The following CDH13 variants were observed in gnomAD, a reference collection of about 807,000 sequenced individuals.
CDH13 encodes cadherin-13.
In CDH13, 24 loss-of-function variants were observed where a neutral mutation model predicts 63.8. The ratio of observed to expected loss-of-function variants is 0.38; its 90% CI spans 0.27 to 0.53. CDH13 has a LOEUF of 0.53. Ranked by LOEUF, CDH13 falls within the 20% of genes least tolerant of loss-of-function variation. The pLI is 0.85. For synonymous variants in CDH13, 503 were observed against 355.3 expected (o/e 1.42, Z -4.67); for missense variants, 1,049 against 903.1 (o/e 1.16, Z -2.07).
chr16:83,502,272 G>T (rs867031743), intron 7 of CDH13, among the ~76,000 whole-genome samples: 3 of 152,200 alleles, frequency 2.0e-5, no homozygotes, highest in Non-Finnish European at 4.4e-5. Flanking sequence ...TCTTAATAAG[G>T]GGGAGGTGGG....
chr16:82,791,265 A>C (rs1029936547), intron 1 of CDH13, among the ~76,000 whole-genome samples: 1 of 151,044 alleles, frequency 6.6e-6, no homozygotes, highest in Non-Finnish European at 1.5e-5. Context: ...AAAAATTCCT[A>C]AGCCTAGCTG....
chr16:83,368,854 T>C (rs112670491), intron 6 of CDH13, among the ~76,000 whole-genome samples: 21,583 of 138,612 alleles, frequency 0.16, 2,801 homozygotes, highest in African/African-American at 0.33. Flanking sequence ...TATTTCATTC[T>C]TTTTTATGGC....
chr16:82,727,891 T>G (rs972160588), intron 1 of CDH13, among the ~76,000 whole-genome samples: 1 of 152,180 alleles, frequency 6.6e-6, no homozygotes, highest in East Asian at 1.9e-4. Context: ...CAGCCCGTTC[T>G]GTGTCAAGAA....
chr16:82,943,269 A>G (rs1904329459), intron 2 of CDH13, among the ~76,000 whole-genome samples: 1 of 151,986 alleles, frequency 6.6e-6, no homozygotes, highest in Non-Finnish European at 1.5e-5. Flanking sequence ...TTCCATATTT[A>G]TGTGTTATAT....
intron 11 of CDH13, among the ~76,000 whole-genome samples, chr16:83,774,224 C>G (rs993837688): frequency 1.1e-4 from 16 of 152,190 alleles, no homozygotes; most frequent in African/African-American, 3.9e-4. Context: ...ACTACAGGGA[C>G]AACTATGACT....
Position 83,795,050 on chromosome 16 carries a change from C to T in CDH13, c.*20C>T. 1.3e-6 allele frequency: 2 copies of T among 1,582,278 alleles called. No individual in the cohort carries two copies. The highest frequency in any genetic ancestry group is 1.2e-5 in the South Asian group (1 of 85,106). ...CTGTGAGAACTCCTGACGTCTGAAG[C>T]TTGACTCCCAAGTTTCCATAGCAAC... is the stretch of plus-strand genomic sequence containing the variant. On this transcript the variant is annotated 3_prime_UTR_variant, in exon 14 of 14. Transcript: ENST00000567109.
At chr16:83,766,411 A>G (rs1254951498) in intron 11 of CDH13, among the ~76,000 whole-genome samples, 2 of 152,252 alleles carry the variant, frequency 1.3e-5, no homozygotes, top group Non-Finnish European at 2.9e-5. Flanking sequence ...TTACTTGTGC[A>G]TCAACCTAAG....
chr16:83,121,328 T>C (rs2035563405), intron 3 of CDH13, among the ~76,000 whole-genome samples: 1 of 152,218 alleles, frequency 6.6e-6, no homozygotes, highest in Non-Finnish European at 1.5e-5. Flanking sequence ...ACATAGCTTG[T>C]CTTAAATATT....
At chr16:83,384,314 G>C (rs972251865) in intron 6 of CDH13, among the ~76,000 whole-genome samples, 1 of 152,100 alleles carries the variant, frequency 6.6e-6, no homozygotes, top group Non-Finnish European at 1.5e-5. Flanking sequence ...ACCTCTGCCT[G>C]ACTTCCCAGA....
intron 1 of CDH13, among the ~76,000 whole-genome samples, chr16:82,768,902 A>T (rs2035160760): frequency 6.6e-6 from 1 of 152,202 alleles, no homozygotes; most frequent in Admixed American, 6.5e-5. Flanking sequence ...TTTTGCAAAC[A>T]TTTTGAGTTA....
At chr16:82,989,166 C>T (rs1253939498) in intron 2 of CDH13, among the ~76,000 whole-genome samples, 1 of 152,030 alleles carries the variant, frequency 6.6e-6, no homozygotes, top group Non-Finnish European at 1.5e-5. Flanking sequence ...AATGGGTATC[C>T]AACTGATACC....
chr16:82,934,833 A>T (rs529281270), intron 2 of CDH13, among the ~76,000 whole-genome samples: 1 of 152,344 alleles, frequency 6.6e-6, no homozygotes, highest in South Asian at 2.1e-4. Flanking sequence ...AGATCACCTC[A>T]GCCTGGACTT....
chr16:83,304,310 G>C (rs1371744424), intron 5 of CDH13, among the ~76,000 whole-genome samples: 6 of 152,186 alleles, frequency 3.9e-5, no homozygotes, highest in Non-Finnish European at 7.3e-5. Context: ...GGAAAGGGGA[G>C]TGAGGCAAGA....
chr16:83,395,535 A>G (rs1021779197), intron 6 of CDH13, among the ~76,000 whole-genome samples: 3 of 152,086 alleles, frequency 2.0e-5, no homozygotes, highest in African/African-American at 7.2e-5. Flanking sequence ...GCAAGGTACA[A>G]CTATTACTCT....
intron 3 of CDH13, among the ~76,000 whole-genome samples, chr16:83,103,037 C>T (rs2034576522): frequency 7.5e-6 from 1 of 133,342 alleles, no homozygotes. Flanking sequence ...ACTGCAGCCT[C>T]TGCCTCCCTG....
intron 10 of CDH13, among the ~76,000 whole-genome samples, chr16:83,697,813 A>G (rs1934931904): frequency 1.3e-5 from 2 of 152,114 alleles, no homozygotes; most frequent in African/African-American, 4.8e-5. Flanking sequence ...ATGCCTGGCT[A>G]ATTTTGTGTT....
At chr16:82,757,013 C>T (rs1250519109) in intron 1 of CDH13, among the ~76,000 whole-genome samples, 1 of 152,164 alleles carries the variant, frequency 6.6e-6, no homozygotes, top group Non-Finnish European at 1.5e-5. Flanking sequence ...TTTCCTCTTT[C>T]TTTGCCTGGC....
At chr16:83,254,953 TTCTTTCTTTC>T (rs1906044432) in intron 5 of CDH13, among the ~76,000 whole-genome samples, 3 of 1,932 alleles carry the variant, frequency 1.6e-3, no homozygotes, top group African/African-American at 1.8e-3. Context: ...CTTTTTCTCT[TTCTTTCTTTC>T]TTTCTTTCTT....
At chr16:83,284,410 A>G (rs1438550742) in intron 5 of CDH13, among the ~76,000 whole-genome samples, 1 of 152,240 alleles carries the variant, frequency 6.6e-6, no homozygotes, top group African/African-American at 2.4e-5. Context: ...GTAAAAGTAA[A>G]ATGAGACCAC....
Sources: allele counts gnomAD v4.1 joint callset (sites outside exome capture counted in the v4.1 genomes callset), GRCh38; gene constraint gnomAD v4.1.1; transcripts MANE v1.5; gene names NCBI Gene and HGNC (gene_info 2026-07-23, HGNC 2026-07-21).